The following KIAA0408 variants were observed in gnomAD, a reference collection of about 807,000 sequenced individuals.
The protein encoded by KIAA0408 is uncharacterized protein KIAA0408.
In KIAA0408, 51 loss-of-function variants were observed where a neutral mutation model predicts 60.9. The ratio of observed to expected loss-of-function variants is 0.84; its 90% CI spans 0.67 to 1.06. The LOEUF (loss-of-function observed/expected upper bound fraction) is 1.06. Ranked by LOEUF, KIAA0408 falls within the 50% of genes least tolerant of loss-of-function variation. KIAA0408 has a pLI of 0.00. For synonymous variants in KIAA0408, 304 were observed against 282.4 expected, an observed-to-expected ratio of 1.08 and a Z score of -0.77; for missense variants, 787 against 833.9, an observed-to-expected ratio of 0.94 and a Z score of 0.69.
At chr6:127,452,095 G>A (rs1289075178) in intron 2 of KIAA0408, among the ~76,000 whole-genome samples, 2 of 152,112 alleles carry the variant, frequency 1.3e-5, no homozygotes, top group Non-Finnish European at 2.9e-5. Flanking sequence ...TGGCTGAACA[G>A]GGAACTACGA....
In KIAA0408 at chr6:127,439,589, C is replaced by T. The variant is rs1244402319; in HGVS notation, c.*4520G>A. 2 of 147,178 alleles carry T rather than the reference C, an allele frequency of 1.4e-5. No individual in the cohort carries two copies. Among genetic ancestry groups the T allele is most frequent in the Non-Finnish European group, 3.0e-5 (2 of 66,956 alleles). The allele number at this position is 147,178 out of a possible 1,614,324, so 9.1% of individuals were successfully genotyped here. A position where few individuals can be genotyped will look rare whatever the true frequency, so the allele number is the denominator to read the frequency against. On this transcript the variant is annotated 3_prime_UTR_variant, in exon 6 of 6. Coordinates refer to ENST00000483725, the MANE Select transcript of KIAA0408 (RefSeq NM_014702.5). ...TGTGTCATGTATAAAATGAACAAAA[C>T]AAAAATGAAAAAGAGCTGTTCAATC...
chr6:127,457,468 C>T (rs1773416556), intron 1 of KIAA0408, among the ~76,000 whole-genome samples: 1 of 152,192 alleles, frequency 6.6e-6, no homozygotes, highest in Non-Finnish European at 1.5e-5. Flanking sequence ...TTTGGCTCTC[C>T]AGTTTATGTT....
At position 127,449,980 on chromosome 6, in the gene KIAA0408, TCTTA is replaced by T. The variant is rs769380204; in HGVS notation, c.498+6_498+9del. 3.7e-6 allele frequency: 6 copies of T among 1,613,816 alleles called. No individual in the cohort carries two copies. Among genetic ancestry groups the T allele is most frequent in the African/African-American group, 1.3e-5 (1 of 75,006 alleles). On this transcript the variant is annotated splice_donor_region_variant and intron_variant, in intron 3 of 5. Transcript: ENST00000483725. ...TAGAAACAGTTCTAGGCCAATCACA[TCTTA>T]CTTACTGTACTGAGGGCGCCAGAAC... is the stretch of plus-strand genomic sequence containing the variant.
chr6:127,458,039 G>A (rs1297851911), intron 1 of KIAA0408, among the ~76,000 whole-genome samples: 4 of 152,106 alleles, frequency 2.6e-5, no homozygotes, highest in Non-Finnish European at 5.9e-5. Context: ...ATTTATAAGA[G>A]GTTACATATT....
chr6:127,447,003 G>A lies in KIAA0408; in HGVS notation c.1316C>T (p.Ala439Val), dbSNP rs1457926606. Residue 439 changes from alanine (A) to valine (V), a missense_variant, in exon 5 of 6, where the codon GCA (alanine) becomes GTA (valine). By Grantham distance (64) the Ala-to-Val change is moderately conservative. Coordinates refer to ENST00000483725, the MANE Select transcript of KIAA0408 (RefSeq NM_014702.5). ...FERTTRNEKL[A>V]AKTDEFNRTV... ...TCTGTTAAATTCATCAGTCTTTGCT[G>A]CCAGCTTCTCATTCCTTGTAGTCCT... 1.9e-6 allele frequency: 3 copies of A among 1,613,508 alleles called. No individual in the cohort carries two copies. The highest frequency in any genetic ancestry group is 1.7e-6 in the Non-Finnish European group (2 of 1,179,900).
Position 127,447,032 on chromosome 6 carries a change from A to G in KIAA0408, c.1287T>C (p.Phe429=). 1 of 1,613,500 alleles carries G rather than the reference A, an allele frequency of 6.2e-7. No homozygotes were observed. Among genetic ancestry groups the G allele is most frequent in the South Asian group, 1.1e-5 (1 of 90,966 alleles). Residue 429 remains phenylalanine, a synonymous_variant, in exon 5 of 6, where the codon TTT becomes TTC. Coordinates refer to ENST00000483725, the MANE Select transcript of KIAA0408 (RefSeq NM_014702.5). The part of the protein sequence containing the change: ...SSPLRNFSCG[F]ERTTRNEKLA... ...GCTTCTCATTCCTTGTAGTCCTTTC[A>G]AAGCCACAACTGAAATTTCTAAGTG...
intron 1 of KIAA0408, among the ~76,000 whole-genome samples, chr6:127,454,531 T>C (rs1463840993): frequency 6.6e-6 from 1 of 152,152 alleles, no homozygotes; most frequent in African/African-American, 2.4e-5. Flanking sequence ...CTTAAATTCC[T>C]GAAACAGAGC....
At chr6:127,448,741 AC>A (rs997806948) in intron 4 of KIAA0408, among the ~76,000 whole-genome samples, 5 of 152,200 alleles carry the variant, frequency 3.3e-5, no homozygotes, top group African/African-American at 4.8e-5. Flanking sequence ...TATGTTTAAA[AC>A]ATGATTGGCT....
At chr6:127,457,231 T>A (rs1260125951) in intron 1 of KIAA0408, among the ~76,000 whole-genome samples, 1 of 151,666 alleles carries the variant, frequency 6.6e-6, no homozygotes, top group African/African-American at 2.4e-5. Flanking sequence ...TTACAAAAAA[T>A]ATCAAACTGA....
At position 127,447,674 on chromosome 6, in the gene KIAA0408, C is replaced by T; in HGVS notation, c.645G>A (p.Met215Ile). The T allele has an allele frequency of 6.3e-7, 1 of 1,597,040 alleles. No individual in the cohort carries two copies. Among genetic ancestry groups the T allele is most frequent in the East Asian group, 2.2e-5 (1 of 44,842 alleles). Residue 215 changes from methionine to isoleucine, a missense_variant, in exon 5 of 6, where the codon ATG becomes ATA. By Grantham distance (10) the Met-to-Ile change is conservative (BLOSUM62 1). Around this residue, in one of 3 missense-constraint regions of KIAA0408, gnomAD observed 640 missense variants for 681.3 expected, o/e 0.94. Transcript: ENST00000483725. Reference protein sequence around the residue: ...NVTNIPHGDPMINNDQCILPI... With the variant: ...NVTNIPHGDPIINNDQCILPI... ...GAAGAATGCACTGGTCATTGTTGAT[C>T]ATGGGGTCCCCATGAGGTATATTAG...
At position 127,447,364 on chromosome 6, in the gene KIAA0408, CTTG is replaced by C. The variant is rs1365361306; in HGVS notation, c.952_954del (p.Gln318del). 7.4e-6 allele frequency: 12 copies of C among 1,612,300 alleles called. No homozygotes were observed. In the South Asian group the frequency reaches 7.7e-5, roughly 10 times the overall value. On this transcript the variant is annotated inframe_deletion, in exon 5 of 6. Transcript: ENST00000483725. ...TCATTTGGATACAACATAGACATCT[CTTG>C]TTGTCTCAAAGGGAAGTGAGGGTTG...
chr6:127,449,016 T>G (rs1364928970), intron 4 of KIAA0408, among the ~76,000 whole-genome samples: 1 of 152,206 alleles, frequency 6.6e-6, no homozygotes, highest in Non-Finnish European at 1.5e-5. Flanking sequence ...TACAATATGT[T>G]GTTCTGAAAA....
At chr6:127,451,320 G>A (rs1773299454) in intron 2 of KIAA0408, 1 of 455,726 alleles carries the variant, frequency 2.2e-6, no homozygotes, top group Non-Finnish European at 4.4e-6. Flanking sequence ...GTTGATGCCT[G>A]AAAAATATAC....
In KIAA0408 at chr6:127,441,669, G is replaced by C. The variant is rs956771569; in HGVS notation, c.*2440C>G. The C allele has an allele frequency of 6.6e-6, 1 of 152,076 alleles. No individual in the cohort carries two copies. Among genetic ancestry groups the C allele is most frequent in the African/African-American group, 2.4e-5 (1 of 41,412 alleles). 9.4% of individuals were successfully genotyped at this position (152,076 alleles called of 1,614,324 possible). A position where few individuals can be genotyped will look rare whatever the true frequency, so the allele number is the denominator to read the frequency against. Reference sequence around the variant, plus strand: ...CTAGGGAAGAAAATGCCCACCTAAAGTAGAAATTTACCAGTTAAAAATCAC... The same window carrying C: ...CTAGGGAAGAAAATGCCCACCTAAACTAGAAATTTACCAGTTAAAAATCAC... On this transcript the variant is annotated 3_prime_UTR_variant, in exon 6 of 6. Coordinates refer to ENST00000483725, the MANE Select transcript of KIAA0408 (RefSeq NM_014702.5).
At chr6:127,448,512 G>T (rs1194841128) in intron 4 of KIAA0408, among the ~76,000 whole-genome samples, 1 of 151,958 alleles carries the variant, frequency 6.6e-6, no homozygotes, top group Non-Finnish European at 1.5e-5. Flanking sequence ...CATTATATTA[G>T]GTGTGATTTG....
rs1047278006 is a variant in KIAA0408 at position 127,439,590 on chromosome 6, A to G, written c.*4519T>C. The G allele has an allele frequency of 6.7e-6, 1 of 150,012 alleles. No homozygotes were observed. Among genetic ancestry groups the G allele is most frequent in the Non-Finnish European group, 1.5e-5 (1 of 67,646 alleles). 9.3% of individuals were successfully genotyped at this position (150,012 alleles called of 1,614,324 possible). A position where few individuals can be genotyped will look rare whatever the true frequency, so the allele number is the denominator to read the frequency against. On this transcript the variant is annotated 3_prime_UTR_variant, in exon 6 of 6. Transcript: ENST00000483725. ...GTGTCATGTATAAAATGAACAAAAC[A>G]AAAATGAAAAAGAGCTGTTCAATCT...
intron 5 of KIAA0408, among the ~76,000 whole-genome samples, 183 bp downstream of exon 5, chr6:127,446,225 G>A (rs755411290): frequency 6.6e-6 from 1 of 152,092 alleles, no homozygotes; most frequent in Non-Finnish European, 1.5e-5. Context: ...ACTATTCTCA[G>A]TGTTAAAAAC....
In KIAA0408 at chr6:127,459,251, G is replaced by A. The variant is rs1361473893; in HGVS notation, c.-197C>T. The stretch of plus-strand genomic sequence containing the variant: ...AGTGGAAGAAAGTGGATGGCTAGCT[G>A]TCTTAAAGAGAAAAGTCTCAGCTCG... On this transcript the variant is annotated 5_prime_UTR_variant, in exon 1 of 6. Transcript: ENST00000483725. 1 of 152,264 alleles carries A rather than the reference G, an allele frequency of 6.6e-6. No homozygotes were observed. Among genetic ancestry groups the A allele is most frequent in the Non-Finnish European group, 1.5e-5 (1 of 68,074 alleles). The allele number at this position is 152,264 out of a possible 1,614,324, so 9.4% of individuals were successfully genotyped here.
intron 5 of KIAA0408, among the ~76,000 whole-genome samples, chr6:127,444,881 G>C (rs942820209): frequency 3.3e-5 from 5 of 151,892 alleles, no homozygotes; most frequent in Non-Finnish European, 5.9e-5. Flanking sequence ...GTTCTGATGA[G>C]AGAAAACCTT....
Sources: gnomAD v4.1 joint callset for allele counts (sites outside exome capture counted in the v4.1 genomes callset) on GRCh38, gnomAD v4.1.1 for gene constraint, gnomAD v4.1.1 regional missense constraint, MANE v1.5 for transcripts, NCBI Gene and HGNC (gene_info 2026-07-23, HGNC 2026-07-21) for gene names.